Variants in TENM1 observed in about 807,000 individuals in gnomAD.
The protein encoded by TENM1 is teneurin-1.
Under a neutral mutation model 174.8 loss-of-function variants are expected in TENM1, and 35 were observed. The ratio of observed to expected loss-of-function variants is 0.20; its 90% CI spans 0.15 to 0.27. TENM1 has a LOEUF of 0.27. Ranked by LOEUF, TENM1 falls within the 10% of genes least tolerant of loss-of-function variation. TENM1 has a pLI of 1.00. For missense variants in TENM1, 1,633 were observed against 2,130.1 expected, an observed-to-expected ratio of 0.77 and a Z score of 4.59; for synonymous variants, 781 against 798.7, an observed-to-expected ratio of 0.98 and a Z score of 0.37.
chrX:124,751,019 C>T (rs1045092535), intron 3 of TENM1, among the ~76,000 whole-genome samples: 4 of 111,827 alleles, frequency 3.6e-5, no homozygotes, highest in Non-Finnish European at 5.6e-5. Flanking sequence ...TTCAGTAGCA[C>T]CTACATAATT....
intron 28 of TENM1, among the ~76,000 whole-genome samples, chrX:124,391,466 T>C (rs1295234684): frequency 9.0e-6 from 1 of 111,164 alleles, no homozygotes; most frequent in Non-Finnish European, 1.9e-5. Context: ...GGGATTAAAA[T>C]ATTTTTCTAT....
At chrX:124,535,826 A>G (rs2048194201) in intron 15 of TENM1, among the ~76,000 whole-genome samples, 1 of 112,123 alleles carries the variant, frequency 8.9e-6, no homozygotes, top group Non-Finnish European at 1.9e-5. Flanking sequence ...AGATCCTTGC[A>G]ACCTATGCTC....
At chrX:124,484,080 G>A (rs1271667741) in intron 21 of TENM1, among the ~76,000 whole-genome samples, 1 of 111,494 alleles carries the variant, frequency 9.0e-6, no homozygotes, top group African/African-American at 3.3e-5. Flanking sequence ...TCTTGTTTTT[G>A]ATGACCTTAA....
intron 3 of TENM1, among the ~76,000 whole-genome samples, chrX:124,789,757 A>C (rs1403756802): frequency 3.6e-5 from 4 of 111,697 alleles, no homozygotes; most frequent in Non-Finnish European, 7.5e-5. Flanking sequence ...GCCAGTCAAC[A>C]AGTCTCTAGG....
At chrX:125,043,420 C>T in the TENM1 span, among the ~76,000 whole-genome samples, 14 of 79,590 alleles carry the variant, frequency 1.8e-4, no homozygotes, top group African/African-American at 6.2e-4. Context: ...AAAATGCTCA[C>T]CATCACTGGA....
At chrX:124,965,227 G>A (rs986404031), upstream of TENM1, among the ~76,000 whole-genome samples, 30 of 110,642 alleles carry the variant, frequency 2.7e-4, no homozygotes, top group Admixed American at 1.5e-3. Flanking sequence ...ACAGGCACCC[G>A]CCACCATGCC....
At chrX:124,906,473 TAG>T (rs2057750828) in intron 1 of TENM1, among the ~76,000 whole-genome samples, 1 of 111,919 alleles carries the variant, frequency 8.9e-6, no homozygotes. Flanking sequence ...TAAGCTTTGT[TAG>T]GTGGGTGCAG....
chrX:125,164,875 C>T, the TENM1 span, among the ~76,000 whole-genome samples: 1 of 111,604 alleles, frequency 9.0e-6, no homozygotes, highest in South Asian at 3.7e-4. Flanking sequence ...GTCCTGAGTA[C>T]GGTAAGTTTC....
chrX:124,896,239 T>C, exon 2 of TENM1: 1 of 1,199,922 alleles, frequency 8.3e-7, no homozygotes, highest in Non-Finnish European at 1.1e-6. Flanking sequence ...CAGAATTCCA[T>C]CTCTGAGAAG....
At chrX:124,494,187 A>G (rs996826209) in intron 20 of TENM1, among the ~76,000 whole-genome samples, 3 of 112,103 alleles carry the variant, frequency 2.7e-5, no homozygotes, top group African/African-American at 9.7e-5. Flanking sequence ...ATGTGTTTTA[A>G]TTGGCTTTGA....
At chrX:124,809,949 G>T (rs763617723) in intron 3 of TENM1, among the ~76,000 whole-genome samples, 54 of 109,460 alleles carry the variant, frequency 4.9e-4, no homozygotes, top group African/African-American at 1.7e-3. Flanking sequence ...AACAGCAAAG[G>T]AGAAGTCTGC....
chrX:124,765,837 C>T (rs193240517), intron 3 of TENM1, among the ~76,000 whole-genome samples: 32 of 112,036 alleles, frequency 2.9e-4, no homozygotes, highest in Non-Finnish European at 1.3e-4. Flanking sequence ...CAAAAACATA[C>T]ACTCTACTTG....
intron 11 of TENM1, among the ~76,000 whole-genome samples, chrX:124,605,977 G>A (rs898939292): frequency 9.0e-6 from 1 of 111,544 alleles, no homozygotes; most frequent in Non-Finnish European, 1.9e-5. Context: ...ATGGAAATTC[G>A]ATTTTTTCCA....
the TENM1 span, among the ~76,000 whole-genome samples, chrX:125,117,325 G>C: frequency 2.7e-5 from 3 of 110,593 alleles, no homozygotes; most frequent in Admixed American, 1.9e-4. Flanking sequence ...TGACAGACTG[G>C]ATAAAGAAAA....
At chrX:124,972,705 A>G in the TENM1 span, among the ~76,000 whole-genome samples, 23 of 112,166 alleles carry the variant, frequency 2.1e-4, no homozygotes, top group African/African-American at 7.4e-4. Flanking sequence ...GAAGTAAATC[A>G]CCACTTTTTA....
At chrX:125,016,909 A>G in the TENM1 span, among the ~76,000 whole-genome samples, 1 of 111,505 alleles carries the variant, frequency 9.0e-6, no homozygotes, top group Non-Finnish European at 1.9e-5. Context: ...AAATAACGCC[A>G]CACATCTACA....
At chrX:124,498,042 G>C (rs949013261) in intron 19 of TENM1, among the ~76,000 whole-genome samples, 2 of 110,805 alleles carry the variant, frequency 1.8e-5, no homozygotes, top group African/African-American at 6.6e-5. Flanking sequence ...CTTCAGACTG[G>C]AACATACAAA....
intron 15 of TENM1, among the ~76,000 whole-genome samples, chrX:124,537,014 C>T (rs183014562): frequency 6.5e-4 from 72 of 111,491 alleles, no homozygotes; most frequent in African/African-American, 2.3e-3. Context: ...ACTCTTCCCT[C>T]CACAGACGAA....
chrX:125,187,664 AG>A, the TENM1 span, among the ~76,000 whole-genome samples: 2 of 111,307 alleles, frequency 1.8e-5, no homozygotes, highest in East Asian at 5.7e-4. Flanking sequence ...GATGGGGGAA[AG>A]GGGACTACAC....
Sources: gnomAD v4.1 joint callset for allele counts (sites outside exome capture counted in the v4.1 genomes callset) on GRCh38, gnomAD v4.1.1 for gene constraint, MANE v1.5 for transcripts, NCBI Gene and HGNC (gene_info 2026-07-23, HGNC 2026-07-21) for gene names.